The following GPHN variants were observed in gnomAD, a reference collection of about 807,000 sequenced individuals.
The protein encoded by GPHN is gephyrin.
A neutral mutation model predicts 95.5 loss-of-function variants in GPHN; 17 were observed. The ratio of observed to expected loss-of-function variants is 0.18; its 90% CI spans 0.12 to 0.27. The LOEUF (loss-of-function observed/expected upper bound fraction) is 0.27. Among genes scored for constraint, GPHN ranks in the 10% least tolerant of loss-of-function variants. The pLI, the probability that GPHN is intolerant of heterozygous loss-of-function variation, is 1.00. For synonymous variants in GPHN, 320 were observed against 322.5 expected (o/e 0.99, Z 0.08); for missense variants, 660 against 978.1 (o/e 0.67, Z 4.34).
chr14:66,681,618 A>G (rs1475494003), intron 2 of GPHN, among the ~76,000 whole-genome samples: 2 of 152,120 alleles, frequency 1.3e-5, no homozygotes, highest in African/African-American at 4.8e-5. Context: ...TGTTAGATAT[A>G]TTTCTGATGT....
At chr14:66,943,903 C>A (rs894509517) in intron 8 of GPHN, among the ~76,000 whole-genome samples, 4 of 152,018 alleles carry the variant, frequency 2.6e-5, no homozygotes, top group Non-Finnish European at 4.4e-5. Context: ...ATAGATGGGG[C>A]AAAAACAGAT....
intron 10 of GPHN, among the ~76,000 whole-genome samples, chr14:67,040,933 ATCTTG>A (rs1168753492): frequency 6.6e-6 from 1 of 152,198 alleles, no homozygotes; most frequent in East Asian, 1.9e-4. Context: ...GTTAATAAAT[ATCTTG>A]TAGGGATATA....
intron 6 of GPHN, among the ~76,000 whole-genome samples, chr14:66,919,409 A>G (rs2066085027): frequency 6.6e-6 from 1 of 152,236 alleles, no homozygotes; most frequent in Admixed American, 6.5e-5. Context: ...GAATACAGCA[A>G]AATCAACCAT....
the GPHN span, among the ~76,000 whole-genome samples, chr14:67,670,024 A>G: frequency 1.3e-5 from 2 of 152,172 alleles, no homozygotes; most frequent in Non-Finnish European, 2.9e-5. Context: ...GAGCCCGGGA[A>G]GCCAAGGCTG....
At chr14:66,987,296 T>C (rs886728801) in intron 9 of GPHN, among the ~76,000 whole-genome samples, 1 of 152,040 alleles carries the variant, frequency 6.6e-6, no homozygotes, top group African/African-American at 2.4e-5. Flanking sequence ...ACATGACTTT[T>C]TGAAAATTAC....
chr14:67,719,853 T>C, the GPHN span, among the ~76,000 whole-genome samples: 1 of 152,208 alleles, frequency 6.6e-6, no homozygotes, highest in Non-Finnish European at 1.5e-5. Flanking sequence ...TACAGCTGTA[T>C]ACTATCTATT....
the GPHN span, chr14:67,662,992 G>T: frequency 7.2e-6 from 10 of 1,384,936 alleles, no homozygotes; most frequent in African/African-American, 4.4e-5. Context: ...ATGTTAACTC[G>T]TACACTACTT....
intron 2 of GPHN, among the ~76,000 whole-genome samples, chr14:66,684,770 C>CT (rs1289543669): frequency 6.6e-6 from 1 of 150,634 alleles, no homozygotes; most frequent in African/African-American, 2.5e-5. Context: ...TCTTCTTATA[C>CT]TTTAAGTTCT....
the GPHN span, among the ~76,000 whole-genome samples, chr14:67,295,593 A>G: frequency 6.6e-5 from 10 of 152,312 alleles, no homozygotes; most frequent in African/African-American, 2.4e-4. Context: ...CAAATGGCCA[A>G]TAGCAATGAA....
intron 3 of GPHN, among the ~76,000 whole-genome samples, chr14:66,794,088 GA>G (rs965212615): frequency 1.3e-5 from 2 of 152,078 alleles, no homozygotes; most frequent in Non-Finnish European, 2.9e-5. Flanking sequence ...TAAAAGGATA[GA>G]AAAAATATAT....
chr14:67,143,812 C>T (rs2080648931), intron 18 of GPHN, among the ~76,000 whole-genome samples: 1 of 152,124 alleles, frequency 6.6e-6, no homozygotes, highest in Middle Eastern at 3.4e-3. Context: ...ACATGACTCC[C>T]CAGGAGCCAA....
chr14:66,587,613 A>G lies in GPHN; in HGVS notation c.64+79022A>G, dbSNP rs558478745. On this transcript the variant is annotated intron_variant, in intron 1 of 22. Transcript: ENST00000478722. ...GGTCATACACTACATTAACAAAAAGAAGGACAAAAATATGGCTATCTGAAT... is the reference window on the plus strand; with the variant it reads ...GGTCATACACTACATTAACAAAAAGGAGGACAAAAATATGGCTATCTGAAT... Among the ~76,000 whole-genome samples, 11 of 152,356 alleles carry G rather than the reference A, an allele frequency of 7.2e-5. 1 individual carries two copies. The South Asian group carries it at 2.3e-3, about 32-fold the overall frequency.
intron 4 of GPHN, among the ~76,000 whole-genome samples, chr14:66,859,802 A>G (rs2062954206): frequency 6.6e-6 from 1 of 152,160 alleles, no homozygotes; most frequent in African/African-American, 2.4e-5. Context: ...AGAAACAAAC[A>G]GAAATTCTAG....
chr14:67,326,221 A>ATTT, the GPHN span, among the ~76,000 whole-genome samples: 10 of 12,914 alleles, frequency 7.7e-4, 3 homozygotes, highest in Admixed American at 1.1e-3. Flanking sequence ...TTTAGGTCTG[A>ATTT]TTTTTTTTTT....
the GPHN span, chr14:67,562,752 C>T: frequency 1.2e-6 from 2 of 1,613,818 alleles, no homozygotes; most frequent in Non-Finnish European, 1.7e-6. Flanking sequence ...CGGGAGGAAC[C>T]AGAGAAGATG....
At chr14:66,566,839 C>A (rs1461129980) in intron 1 of GPHN, among the ~76,000 whole-genome samples, 2 of 152,120 alleles carry the variant, frequency 1.3e-5, no homozygotes, top group African/African-American at 4.8e-5. Context: ...TATTAAGGAG[C>A]TTGGGACTTA....
the GPHN span, among the ~76,000 whole-genome samples, chr14:67,351,981 C>T: frequency 1.3e-5 from 2 of 148,160 alleles, no homozygotes; most frequent in Non-Finnish European, 3.0e-5. Flanking sequence ...CTTAACTTCA[C>T]AAATAATCAA....
At chr14:66,689,074 A>T (rs1441638632) in intron 2 of GPHN, among the ~76,000 whole-genome samples, 3 of 152,184 alleles carry the variant, frequency 2.0e-5, no homozygotes, top group African/African-American at 7.2e-5. Flanking sequence ...TTTTTAAAAA[A>T]AGAAAAAGAA....
At chr14:66,587,467 A>T (rs116520929) in intron 1 of GPHN, among the ~76,000 whole-genome samples, 1 of 152,182 alleles carries the variant, frequency 6.6e-6, no homozygotes, top group South Asian at 2.1e-4. Context: ...ACAGATGCAG[A>T]TATTCTCAAT....
Sources: allele counts gnomAD v4.1 joint callset (sites outside exome capture counted in the v4.1 genomes callset), GRCh38; gene constraint gnomAD v4.1.1; transcripts MANE v1.5; gene names NCBI Gene and HGNC (gene_info 2026-07-23, HGNC 2026-07-21).